Variants in WDR76 observed in about 807,000 individuals in gnomAD.
WDR76 encodes WD repeat-containing protein 76.
In WDR76, 52 loss-of-function variants were observed where a neutral mutation model predicts 70.2. That is an observed-to-expected ratio of 0.74 (90% CI 0.59 to 0.93). WDR76 has a LOEUF of 0.93. Ranked by LOEUF, WDR76 falls within the 40% of genes least tolerant of loss-of-function variation. The probability of loss-of-function intolerance (pLI) is 0.00; values close to 1 mark genes in which losing one functional copy is unlikely to be tolerated. For synonymous variants in WDR76, 292 were observed against 271.1 expected (o/e 1.08, Z -0.76); for missense variants, 756 against 760.2 (o/e 0.99, Z 0.07).
chr15:43,862,276 CTTTTTTTTT>C, intron 12 of WDR76, among the ~76,000 whole-genome samples: 1 of 42,154 alleles, frequency 2.4e-5, no homozygotes, highest in Non-Finnish European at 4.7e-5. Context: ...TTATCAGTTT[CTTTTTTTTT>C]TTTTTTTTTT....
intron 9 of WDR76, among the ~76,000 whole-genome samples, chr15:43,852,923 T>C (rs769177748): frequency 6.6e-6 from 1 of 152,036 alleles, no homozygotes; most frequent in Non-Finnish European, 1.5e-5. Context: ...AGTCTCGCTC[T>C]TGTTGCCCAG....
chr15:43,842,584 A>G (rs373565099), intron 6 of WDR76, 44 bp from the exon 7 acceptor site: 39 of 1,593,606 alleles, frequency 2.4e-5, no homozygotes, highest in Non-Finnish European at 3.3e-5. Context: ...ATGTAAAAAT[A>G]TATACATACT....
intron 2 of WDR76, among the ~76,000 whole-genome samples, chr15:43,832,508 C>T (rs1181055769): frequency 6.6e-6 from 1 of 151,810 alleles, no homozygotes; most frequent in Non-Finnish European, 1.5e-5. Context: ...AGCAGTGGCA[C>T]AGTCTTGCCT....
At chr15:43,865,102 A>ATT in intron 12 of WDR76, among the ~76,000 whole-genome samples, 1 of 136,446 alleles carries the variant, frequency 7.3e-6, no homozygotes, top group Admixed American at 7.3e-5. Flanking sequence ...TTGTATTTTT[A>ATT]TTTTTTTTTT....
intron 12 of WDR76, chr15:43,863,994 T>G (rs993698849): frequency 1.3e-5 from 2 of 152,250 alleles, no homozygotes; most frequent in Non-Finnish European, 2.9e-5. Flanking sequence ...AGTTACTACC[T>G]TTGAACCAGC....
chr15:43,844,670 G>T (rs2087765221), intron 8 of WDR76, among the ~76,000 whole-genome samples: 1 of 151,664 alleles, frequency 6.6e-6, no homozygotes, highest in African/African-American at 2.4e-5. Context: ...AGCACTTTGG[G>T]AGGCCGAGGC....
In WDR76 at chr15:43,843,980, G is replaced by C; in HGVS notation, c.958G>C (p.Ala320Pro). The C allele has an allele frequency of 1.2e-6, 2 of 1,613,940 alleles. No homozygotes were observed. Among genetic ancestry groups the C allele is most frequent in the Non-Finnish European group, 1.7e-6 (2 of 1,179,902 alleles). Reference sequence around the variant, plus strand: ...TACCACAGGCCCAATATTCTCTATGGCTCTCCATCCATCAGAAACTAGAAC... The same window carrying C: ...TACCACAGGCCCAATATTCTCTATGCCTCTCCATCCATCAGAAACTAGAAC... ...KVTTGPIFSM[A>P]LHPSETRTLV... Residue 320 changes from alanine to proline, a missense_variant, in exon 8 of 13, where the codon GCT (alanine) becomes CCT (proline). Physicochemically the swap from Ala to Pro is conservative, Grantham distance 27 (BLOSUM62 -1). Coordinates refer to ENST00000263795, the MANE Select transcript of WDR76 (RefSeq NM_024908.4).
chr15:43,842,398 T>A lies in WDR76; in HGVS notation c.733-17T>A, dbSNP rs749722500. 1 of 1,610,062 alleles carries A rather than the reference T, an allele frequency of 6.2e-7. No homozygotes were observed. Among genetic ancestry groups the A allele is most frequent in the African/African-American group, 1.3e-5 (1 of 74,630 alleles). On this transcript the variant is annotated splice_polypyrimidine_tract_variant and intron_variant, in intron 5 of 12. Coordinates refer to ENST00000263795, the MANE Select transcript of WDR76 (RefSeq NM_024908.4). ...GGGCAGGGAGCCCAACAAATAACTTTTTATTTTTTATAACAGCCTTTGTTA... is the reference window on the plus strand; with the variant it reads ...GGGCAGGGAGCCCAACAAATAACTTATTATTTTTTATAACAGCCTTTGTTA...
chr15:43,828,905 C>T (rs1011722463), intron 2 of WDR76, among the ~76,000 whole-genome samples: 7 of 131,814 alleles, frequency 5.3e-5, no homozygotes, highest in Middle Eastern at 3.9e-3. Context: ...TAATTTTTTT[C>T]TTTTTTTTTT....
chr15:43,861,284 A>T, intron 11 of WDR76, 49 bp from the exon 12 acceptor site: 1 of 1,463,536 alleles, frequency 6.8e-7, no homozygotes, highest in East Asian at 2.3e-5. Context: ...TATTTATTTC[A>T]GAAAGTTTTT....
chr15:43,827,047 C>A lies in WDR76; in HGVS notation c.15C>A (p.Gly5=), dbSNP rs1463490094. 6.2e-7 allele frequency: 1 copy of A among 1,614,116 alleles called. No individual in the cohort carries two copies. The change falls in exon 1 of 13, where the codon GGC becomes GGA. Residue 5 remains glycine, a synonymous_variant. Transcript: ENST00000263795. MSRS[G]AAAEKADSRQ... ...GAAGCCGAAAGATGTCCAGGTCGGG[C>A]GCGGCGGCTGAGAAGGCGGACTCCA...
chr15:43,862,210 A>T (rs532165589), intron 12 of WDR76, among the ~76,000 whole-genome samples: 1 of 148,070 alleles, frequency 6.8e-6, no homozygotes, highest in Admixed American at 6.7e-5. Context: ...CTATTTATGA[A>T]GTTGCGAATA....
intron 2 of WDR76, among the ~76,000 whole-genome samples, chr15:43,833,800 C>T (rs574637211): frequency 6.6e-6 from 1 of 151,900 alleles, no homozygotes; most frequent in East Asian, 1.9e-4. Flanking sequence ...CCACACCCGG[C>T]TAATTTTTGT....
rs1157690391 is a variant in WDR76, at chr15:43,866,076, C to T, written c.1617-52C>T. 1.5e-5 allele frequency: 24 copies of T among 1,595,460 alleles called. No homozygotes were observed. The Admixed American group carries it at 3.9e-4, about 26-fold the overall frequency. On this transcript the variant is annotated intron_variant, in intron 12 of 12. Coordinates refer to ENST00000263795, the MANE Select transcript of WDR76 (RefSeq NM_024908.4). ...TGCCGTCTTTACCCTCTGCCCAATG[C>T]TACCTTATTTAACCTTACTTCATTT...
chr15:43,850,995 G>T, intron 8 of WDR76, 92 bp from the exon 9 acceptor site: 1 of 1,461,616 alleles, frequency 6.8e-7, no homozygotes. Flanking sequence ...ATATAATCCA[G>T]TGTAAATTCT....
chr15:43,866,106 A>G, intron 12 of WDR76, 22 bp from the exon 13 acceptor site: 1 of 1,610,150 alleles, frequency 6.2e-7, no homozygotes. Context: ...TCATTTAAAA[A>G]ATATATTGTT....
At chr15:43,864,158 C>T (rs924465862) in intron 12 of WDR76, among the ~76,000 whole-genome samples, 5 of 152,116 alleles carry the variant, frequency 3.3e-5, no homozygotes, top group African/African-American at 7.2e-5. Flanking sequence ...GTATATACTA[C>T]GTTTTCTTTA....
intron 3 of WDR76, 113 bp from the exon 4 acceptor site, chr15:43,836,048 C>G: frequency 2.2e-6 from 2 of 889,466 alleles, no homozygotes; most frequent in Non-Finnish European, 3.2e-6. Flanking sequence ...TCTTAAGGAT[C>G]TTTAGTTCCT....
chr15:43,828,336 A>T lies in WDR76; in HGVS notation c.432A>T (p.Gly144=). The change falls in exon 2 of 13, where the codon GGA becomes GGT. Residue 144 remains glycine (G), a synonymous_variant. Transcript: ENST00000263795. ...TTGATGTGGAAAGTAGTCAGGATGG[A>T]GACAGTGATGAAGATACCACACCAT... is the stretch of plus-strand genomic sequence containing the variant. The part of the protein sequence containing the change: ...LSVDVESSQD[G]DSDEDTTPSL... The T allele has an allele frequency of 6.2e-7, 1 of 1,613,616 alleles. No individual in the cohort carries two copies. The highest frequency in any genetic ancestry group is 1.1e-5 in the South Asian group (1 of 90,950).
Sources: allele counts gnomAD v4.1 joint callset (sites outside exome capture counted in the v4.1 genomes callset), GRCh38; gene constraint gnomAD v4.1.1; transcripts MANE v1.5; gene names NCBI Gene and HGNC (gene_info 2026-07-23, HGNC 2026-07-21).